The following MYOM1 variants were observed in gnomAD, a reference collection of about 807,000 sequenced individuals.
MYOM1 encodes myomesin-1.
Under a neutral mutation model 205.3 loss-of-function variants are expected in MYOM1, and 164 were observed. The observed-to-expected ratio is 0.80, with a 90% confidence interval of 0.70 to 0.91. The LOEUF is 0.91. Ranked by LOEUF, MYOM1 falls within the 40% of genes least tolerant of loss-of-function variation. The pLI, the probability that MYOM1 is intolerant of heterozygous loss-of-function variation, is 0.00. For synonymous variants in MYOM1, 772 were observed against 789.4 expected (o/e 0.98, Z 0.37); for missense variants, 2,011 against 2,127.3 (o/e 0.95, Z 1.08).
chr18:3,215,755 G>GT (rs1248337246), intron 1 of MYOM1, among the ~76,000 whole-genome samples: 1 of 151,846 alleles, frequency 6.6e-6, no homozygotes, highest in Non-Finnish European at 1.5e-5. Context: ...AAAAAAAATT[G>GT]TATCTAGGAG....
At chr18:3,130,480 C>G (rs553612575) in intron 17 of MYOM1, among the ~76,000 whole-genome samples, 1 of 152,216 alleles carries the variant, frequency 6.6e-6, no homozygotes, top group African/African-American at 2.4e-5. Flanking sequence ...GACACAGGAT[C>G]TTGCTTTGTT....
At chr18:3,163,420 C>T (rs2080422863) in intron 10 of MYOM1, among the ~76,000 whole-genome samples, 1 of 152,060 alleles carries the variant, frequency 6.6e-6, no homozygotes, top group African/African-American at 2.4e-5. Context: ...AGTTGGTGCC[C>T]TCAGGGCTCA....
chr18:3,136,639 G>C (rs2079970519), intron 14 of MYOM1, among the ~76,000 whole-genome samples: 2 of 151,918 alleles, frequency 1.3e-5, no homozygotes, highest in Admixed American at 1.3e-4. Flanking sequence ...ATGTTGCCTA[G>C]GCTGGTCTCG....
At chr18:3,151,234 C>T (rs1050031872) in intron 12 of MYOM1, among the ~76,000 whole-genome samples, 3 of 151,282 alleles carry the variant, frequency 2.0e-5, no homozygotes, top group Non-Finnish European at 2.9e-5. Flanking sequence ...TATAGAGAGA[C>T]GCACTGTGCT....
At chr18:3,099,632 AG>A (rs1462810373) in intron 25 of MYOM1, among the ~76,000 whole-genome samples, 3 of 152,136 alleles carry the variant, frequency 2.0e-5, no homozygotes, top group Non-Finnish European at 4.4e-5. Context: ...TTTATGTAGA[AG>A]GTGCTTTATT....
At chr18:3,223,454 T>C (rs2081340299), upstream of MYOM1, among the ~76,000 whole-genome samples, 2 of 152,226 alleles carry the variant, frequency 1.3e-5, no homozygotes, top group South Asian at 4.1e-4. Flanking sequence ...TGTTGACTAA[T>C]TTATAGGCAA....
upstream of MYOM1, among the ~76,000 whole-genome samples, chr18:3,222,178 G>C (rs117138484): frequency 6.6e-6 from 1 of 152,192 alleles, no homozygotes; most frequent in African/African-American, 2.4e-5. Flanking sequence ...ATTGACCAGA[G>C]TCCACATATA....
chr18:3,105,384 G>GGA (rs1214750462), intron 22 of MYOM1, among the ~76,000 whole-genome samples: 2 of 152,150 alleles, frequency 1.3e-5, no homozygotes, highest in African/African-American at 4.8e-5. Context: ...AGCTCTTATT[G>GGA]AATTGCATAC....
upstream of MYOM1, among the ~76,000 whole-genome samples, chr18:3,221,151 G>C (rs563325290): frequency 2.0e-5 from 3 of 152,094 alleles, no homozygotes; most frequent in Admixed American, 6.5e-5. Context: ...CTCCCGAGTA[G>C]CTACAGGCGC....
chr18:3,100,687 C>T (rs1236699961), intron 23 of MYOM1, among the ~76,000 whole-genome samples: 2 of 152,176 alleles, frequency 1.3e-5, no homozygotes, highest in Non-Finnish European at 2.9e-5. Flanking sequence ...AGCTATGTTG[C>T]TTATCAGTGC....
chr18:3,083,942 G>A, intron 32 of MYOM1, 47 bp downstream of exon 32: 1 of 1,577,816 alleles, frequency 6.3e-7, no homozygotes, highest in South Asian at 1.2e-5. Context: ...GCCCCTCCTG[G>A]CAGGAGGATC....
intron 16 of MYOM1, among the ~76,000 whole-genome samples, chr18:3,132,054 TAATA>T (rs1206397242): frequency 1.4e-5 from 2 of 146,884 alleles, no homozygotes; most frequent in African/African-American, 2.5e-5. Context: ...TATATAATAA[TAATA>T]TATACATATA....
At chr18:3,236,213 G>C in the MYOM1 span, among the ~76,000 whole-genome samples, 1 of 152,182 alleles carries the variant, frequency 6.6e-6, no homozygotes, top group Non-Finnish European at 1.5e-5. Flanking sequence ...ATGTGCTCTA[G>C]TTTATAGTTA....
Position 3,152,759 on chromosome 18 carries a change from TG to T in MYOM1, c.1644-867del, listed in dbSNP as rs1231065908. Among the ~76,000 whole-genome samples, 1 of 152,098 alleles carries T rather than the reference TG, an allele frequency of 6.6e-6. No individual in the cohort carries two copies. The highest frequency in any genetic ancestry group is 2.4e-5 in the African/African-American group (1 of 41,400). On this transcript the variant is annotated intron_variant, in intron 11 of 37. Coordinates refer to ENST00000356443, the MANE Select transcript of MYOM1 (RefSeq NM_003803.4). This position sits in a 1 kb window ranked among gnomAD's most constrained non-coding sequence, Gnocchi z 4.3. Reference sequence around the variant, plus strand: ...CAACATGGGCTCTATGTCCAAAATGTGTAATTCCCAAATGATTCTCAGGGGC... The same window carrying T: ...CAACATGGGCTCTATGTCCAAAATGTTAATTCCCAAATGATTCTCAGGGGC...
chr18:3,164,241 A>C lies in MYOM1; in HGVS notation c.1501+37T>G. 3 of 1,597,820 alleles carry C rather than the reference A, an allele frequency of 1.9e-6. No homozygotes were observed. In the South Asian group the frequency reaches 3.4e-5, roughly 18 times the overall value. ...AAACTGCTTTGGCTTCAGTGTACTAAATATTGTTAGGTGTTTTGTTTTTTG... is the reference window on the plus strand; with the variant it reads ...AAACTGCTTTGGCTTCAGTGTACTACATATTGTTAGGTGTTTTGTTTTTTG... On this transcript the variant is annotated intron_variant, in intron 10 of 37. Coordinates refer to ENST00000356443, the MANE Select transcript of MYOM1 (RefSeq NM_003803.4).
chr18:3,210,068 A>C (rs1457237215), intron 2 of MYOM1, among the ~76,000 whole-genome samples: 2 of 152,132 alleles, frequency 1.3e-5, no homozygotes. Flanking sequence ...ACCTCACAAC[A>C]TGAGGGACAG....
rs577637442 is a variant in MYOM1, at chr18:3,150,449, G to A, written c.1843+1245C>T. 6.4e-5 allele frequency among the ~76,000 whole-genome samples: 8 copies of A among 124,240 alleles called. No homozygotes were observed. The East Asian group carries it at 1.5e-3, about 23-fold the overall frequency. 81.5% of individuals were successfully genotyped at this position (124,240 alleles called of 152,430 possible). ...ATTGTGAATGTAGCACAGACCAGCA[G>A]TCCTCTACAAAGGTGGTTTTGCCCT... On this transcript the variant is annotated intron_variant, in intron 12 of 37. Transcript: ENST00000356443.
In MYOM1 at chr18:3,135,205, C is replaced by T. The variant is rs2079938150; in HGVS notation, c.2209+342G>A. The T allele has an allele frequency of 7.1e-6, 2 of 283,594 alleles. No homozygotes were observed. The highest frequency in any genetic ancestry group is 2.2e-5 in the African/African-American group (1 of 45,562). The allele number at this position is 283,594 out of a possible 1,614,324, so 17.6% of individuals were successfully genotyped here. On this transcript the variant is annotated intron_variant, in intron 15 of 37. Coordinates refer to ENST00000356443, the MANE Select transcript of MYOM1 (RefSeq NM_003803.4). The surrounding 1 kb of genome is among the most constrained non-coding windows in gnomAD (Gnocchi z 4.1). ...ACTCAGGTGATCTGCCTGCCTCGGC[C>T]TCCCAAAGTGCTCAGATTACAGACA...
chr18:3,095,830 G>A (rs2079296321), intron 25 of MYOM1, among the ~76,000 whole-genome samples: 1 of 152,182 alleles, frequency 6.6e-6, no homozygotes. Flanking sequence ...GGATGTCTGA[G>A]TGCACCAGGG....
Sources: allele counts gnomAD v4.1 joint callset (sites outside exome capture counted in the v4.1 genomes callset), GRCh38; gene constraint gnomAD v4.1.1; non-coding constraint Gnocchi (gnomAD v3.1); transcripts MANE v1.5; gene names NCBI Gene and HGNC (gene_info 2026-07-23, HGNC 2026-07-21).